Variants in WDR90 observed in about 807,000 individuals in gnomAD.
WDR90 encodes the protein WD repeat-containing protein 90.
A neutral mutation model predicts 195.2 loss-of-function variants in WDR90; 238 were observed. The observed-to-expected ratio is 1.22, with a 90% CI of 1.10 to 1.36. WDR90 has a LOEUF of 1.36. Among genes scored for constraint, WDR90 ranks in the 40% most tolerant of loss-of-function variants. WDR90 has a pLI of 0.00. For synonymous variants in WDR90, 1,265 were observed against 1,052.4 expected, an observed-to-expected ratio of 1.20 and a Z score of -3.91; for missense variants, 2,734 against 2,439.5, an observed-to-expected ratio of 1.12 and a Z score of -2.54.
rs200392192 is a variant in WDR90, at chr16:656,814, G to A, written c.2285G>A (p.Ser762Asn). ...AGGCCAACCTTTTTCTGTGGCTTTA[G>A]CAGTGGGGCCGTGCGCTCCTTCAGC... ...PTRPTFFCGF[S>N]SGAVRSFSLE... The change falls in exon 19 of 41, where the codon AGC (serine) becomes AAC (asparagine). Residue 762 changes from serine to asparagine, a missense_variant. Ser to Asn is a conservative substitution (Grantham distance 46, BLOSUM62 1). Transcript: ENST00000293879. 79 of 1,613,152 alleles carry A rather than the reference G, an allele frequency of 4.9e-5. No homozygotes were observed. In the East Asian group the frequency reaches 1.7e-3, roughly 35 times the overall value.
intron 27 of WDR90, among the ~76,000 whole-genome samples, chr16:660,387 C>T (rs1295538267): frequency 6.6e-6 from 1 of 152,170 alleles, no homozygotes; most frequent in African/African-American, 2.4e-5. Context: ...GCCTTCCCCT[C>T]TCACCCAGCA....
At position 651,913 on chromosome 16, in the gene WDR90, C is replaced by A. The variant is rs758745593; in HGVS notation, c.927C>A (p.Pro309=). The A allele has an allele frequency of 6.2e-7, 1 of 1,610,632 alleles. No homozygotes were observed. Among genetic ancestry groups the A allele is most frequent in the South Asian group, 1.1e-5 (1 of 90,850 alleles). Residue 309 remains proline, a synonymous_variant, in exon 9 of 41, where the codon CCC becomes CCA. Coordinates refer to ENST00000293879, the MANE Select transcript of WDR90 (RefSeq NM_145294.5). ...ERSDASNADG[P]GFHSLEPWAQ... is the part of the protein sequence containing the mutation. The stretch of plus-strand genomic sequence containing the variant: ...CAGACGCCTCCAACGCGGATGGCCC[C>A]GGTTTCCATAGCCTTGAGCCCTGGG...
Position 665,808 on chromosome 16 carries a change from G to C in WDR90, c.4434+7G>C. On this transcript the variant is annotated splice_region_variant and intron_variant, in intron 35 of 40. Coordinates refer to ENST00000293879, the MANE Select transcript of WDR90 (RefSeq NM_145294.5). ...GTTCCAGGTGCTGAACCAGGTGTGT[G>C]GGGAGTGCCCGGGCCGGGGGCGGGA... 1.3e-6 allele frequency: 2 copies of C among 1,579,646 alleles called. No individual in the cohort carries two copies. Among genetic ancestry groups the C allele is most frequent in the Non-Finnish European group, 1.7e-6 (2 of 1,159,160 alleles).
chr16:655,039 C>T lies in WDR90; in HGVS notation c.1448C>T (p.Ala483Val), dbSNP rs764707060. 3.7e-6 allele frequency: 6 copies of T among 1,612,362 alleles called. No homozygotes were observed. The African/African-American group carries it at 8.0e-5, about 22-fold the overall frequency. Residue 483 changes from alanine to valine, a missense_variant, in exon 14 of 41, where the codon GCC becomes GTC. By Grantham distance (64) the Ala-to-Val change is moderately conservative. Coordinates refer to ENST00000293879, the MANE Select transcript of WDR90 (RefSeq NM_145294.5). ...KDHHGRTMVV[A>V]WGTGQVGLGG... ...CTGGGCTTGTTGCAGATGGTGGTGG[C>T]CTGGGGCACCGGCCAGGTGGGCCTC... is the stretch of plus-strand genomic sequence containing the variant.
At chr16:661,013 C>CAGG in intron 28 of WDR90, 38 bp from the exon 29 acceptor site, 2 of 314,090 alleles carry the variant, frequency 6.4e-6, no homozygotes, top group East Asian at 6.6e-4. Context: ...CCCCCCCCCC[C>CAGG]CCGGCCCGGC....
rs1226657456 is a variant in WDR90, at chr16:659,487, G to A, written c.3184+111G>A. 6 of 1,415,252 alleles carry A rather than the reference G, an allele frequency of 4.2e-6. No homozygotes were observed. In the Admixed American group the frequency reaches 1.0e-4, roughly 25 times the overall value. The allele number at this position is 1,415,252 out of a possible 1,614,324, so 87.7% of individuals were successfully genotyped here. A position where few individuals can be genotyped will look rare whatever the true frequency, so the allele number is the denominator to read the frequency against. ...CCAGCTCTGGGGTGCAGGTGCCATCGCTGCTCATCAGGTGGAACACAGTGG... is the reference window on the plus strand; with the variant it reads ...CCAGCTCTGGGGTGCAGGTGCCATCACTGCTCATCAGGTGGAACACAGTGG... On this transcript the variant is annotated intron_variant, in intron 26 of 40. Transcript: ENST00000293879.
Position 655,037 on chromosome 16 carries a change from G to A in WDR90, c.1446G>A (p.Val482=), listed in dbSNP as rs1019978471. Reference sequence around the variant, plus strand: ...GCCTGGGCTTGTTGCAGATGGTGGTGGCCTGGGGCACCGGCCAGGTGGGCC... The same window carrying A: ...GCCTGGGCTTGTTGCAGATGGTGGTAGCCTGGGGCACCGGCCAGGTGGGCC... ...GKDHHGRTMV[V]AWGTGQVGLG... is the part of the protein sequence containing the mutation. The change falls in exon 14 of 41, where the codon GTG becomes GTA. Residue 482 remains valine (V), a synonymous_variant. Coordinates refer to ENST00000293879, the MANE Select transcript of WDR90 (RefSeq NM_145294.5). 6 of 1,612,554 alleles carry A rather than the reference G, an allele frequency of 3.7e-6. No individual in the cohort carries two copies. The highest frequency in any genetic ancestry group is 5.1e-6 in the Non-Finnish European group (6 of 1,179,764).
In WDR90 at chr16:650,034, T is replaced by C; in HGVS notation, c.146T>C (p.Val49Ala). 6.2e-7 allele frequency: 1 copy of C among 1,612,782 alleles called. No individual in the cohort carries two copies. The highest frequency in any genetic ancestry group is 1.7e-5 in the Admixed American group (1 of 60,032). Reference sequence around the variant, plus strand: ...GCCGTGTATCGCATTCGGGGCTCAGTCTCTGCCGCCAACTACATCCAGCTC... The same window carrying C: ...GCCGTGTATCGCATTCGGGGCTCAGCCTCTGCCGCCAACTACATCCAGCTC... The part of the protein sequence containing the change: ...KGAVYRIRGS[V>A]SAANYIQLPK... The change falls in exon 3 of 41, where the codon GTC (valine) becomes GCC (alanine). Residue 49 changes from valine to alanine, a missense_variant. Coordinates refer to ENST00000293879, the MANE Select transcript of WDR90 (RefSeq NM_145294.5).
chr16:651,160 T>A, intron 6 of WDR90, 39 bp from the exon 7 acceptor site: 6 of 1,612,910 alleles, frequency 3.7e-6, no homozygotes, highest in Non-Finnish European at 5.1e-6. Flanking sequence ...TGGGTGGCCC[T>A]TGGGCCCCCA....
rs751919029 is a variant in WDR90, at chr16:660,607, C to T, written c.3289-5C>T. ...CCAGCAGCATCCGGGTCTCCTTCCTCGCAGGGCACTTGCCCGCCTCCCGCC... is the reference window on the plus strand; with the variant it reads ...CCAGCAGCATCCGGGTCTCCTTCCTTGCAGGGCACTTGCCCGCCTCCCGCC... On this transcript the variant is annotated splice_region_variant and splice_polypyrimidine_tract_variant and intron_variant, in intron 27 of 40. Transcript: ENST00000293879. 9.6e-6 allele frequency: 15 copies of T among 1,560,928 alleles called. No homozygotes were observed. The highest frequency in any genetic ancestry group is 2.4e-5 in the South Asian group (2 of 84,808).
intron 28 of WDR90, 145 bp downstream of exon 28, chr16:660,859 G>T: frequency 1.0e-6 from 1 of 975,068 alleles, no homozygotes; most frequent in South Asian, 1.9e-5. Context: ...GCCTCCTGGC[G>T]CTCCAGCCGA....
chr16:663,061 G>A, intron 34 of WDR90: 1 of 725,912 alleles, frequency 1.4e-6, no homozygotes, highest in South Asian at 1.5e-5. Context: ...GGCAGGCCTT[G>A]CAGGTCTTCT....
rs1384560507 is a variant in WDR90, at chr16:656,714, A to G, written c.2203-18A>G. On this transcript the variant is annotated intron_variant, in intron 18 of 40. Coordinates refer to ENST00000293879, the MANE Select transcript of WDR90 (RefSeq NM_145294.5). Reference sequence around the variant, plus strand: ...TTGAGATCCCTGCCCTCCCCTCAGCACGGCCCCTGTCCCACAGCTATACGA... The same window carrying G: ...TTGAGATCCCTGCCCTCCCCTCAGCGCGGCCCCTGTCCCACAGCTATACGA... The G allele has an allele frequency of 2.1e-5, 33 of 1,605,856 alleles. No homozygotes were observed. The highest frequency in any genetic ancestry group is 2.8e-5 in the Non-Finnish European group (33 of 1,175,446).
intron 34 of WDR90, chr16:665,190 CGACT>C (rs112080504): frequency 3.5e-6 from 1 of 286,834 alleles, no homozygotes; most frequent in African/African-American, 2.1e-5. Context: ...AGGAGGAATG[CGACT>C]GCATGGCGCG....
chr16:662,246 T>C lies in WDR90; in HGVS notation c.4060T>C (p.Leu1354=), dbSNP rs1455630160. The change falls in exon 33 of 41, where the codon TTG becomes CTG. Residue 1354 remains leucine, a synonymous_variant. Transcript: ENST00000293879. ...GCTGTTGCTGTTCTCGGGTTCTCGA[T>C]TGGTCAGCGGCAGCAGCACGGGGCG... The part of the protein sequence containing the change: ...IGLLLFSGSR[L]VSGSSTGRLR... The C allele has an allele frequency of 3.8e-6, 6 of 1,581,042 alleles. No homozygotes were observed. Among genetic ancestry groups the C allele is most frequent in the Non-Finnish European group, 3.4e-6 (4 of 1,164,654 alleles).
At chr16:650,933 G>T in intron 5 of WDR90, 62 bp from the exon 6 acceptor site, 1 of 1,579,626 alleles carries the variant, frequency 6.3e-7, no homozygotes. Flanking sequence ...GCCTTGGCGG[G>T]TGCCCTGTGT....
At position 660,437 on chromosome 16, in the gene WDR90, T is replaced by G. The variant is rs572834050; in HGVS notation, c.3289-175T>G. Reference sequence around the variant, plus strand: ...GAGCCCCACGGGCCTGTGCCCCTCCTGGCCCTGGCACAGTGCCCACAGCTC... The same window carrying G: ...GAGCCCCACGGGCCTGTGCCCCTCCGGGCCCTGGCACAGTGCCCACAGCTC... On this transcript the variant is annotated intron_variant, in intron 27 of 40. Transcript: ENST00000293879. 25 of 697,638 alleles carry G rather than the reference T, an allele frequency of 3.6e-5. No homozygotes were observed. The Admixed American group carries it at 4.6e-4, about 13-fold the overall frequency. The allele number at this position is 697,638 out of a possible 1,614,324, so 43.2% of individuals were successfully genotyped here.
chr16:660,543 C>A (rs1296862446), intron 27 of WDR90, 69 bp from the exon 28 acceptor site: 1 of 1,465,592 alleles, frequency 6.8e-7, no homozygotes, highest in Non-Finnish European at 9.3e-7. Flanking sequence ...CACAGCCTCC[C>A]ATGTGCAGGC....
At chr16:650,921 G>A in intron 5 of WDR90, 74 bp from the exon 6 acceptor site, 3 of 1,559,544 alleles carry the variant, frequency 1.9e-6, no homozygotes, top group South Asian at 1.1e-5. Flanking sequence ...TGGCGTGGCA[G>A]TGCCTTGGCG....
Sources: gnomAD v4.1 joint callset for allele counts (sites outside exome capture counted in the v4.1 genomes callset) on GRCh38, gnomAD v4.1.1 for gene constraint, MANE v1.5 for transcripts, NCBI Gene and HGNC (gene_info 2026-07-23, HGNC 2026-07-21) for gene names.